Variants in EYA2 observed in about 807,000 individuals in gnomAD.
EYA2 encodes the protein protein phosphatase EYA2.
EYA2 carries 31 observed loss-of-function variants against 69.2 expected under a neutral mutation model. The ratio of observed to expected loss-of-function variants is 0.45; its 90% CI spans 0.34 to 0.60. The LOEUF (loss-of-function observed/expected upper bound fraction) is 0.60. Among genes scored for constraint, EYA2 ranks in the 20% least tolerant of loss-of-function variants. EYA2 has a pLI of 0.02. For missense variants in EYA2, 622 were observed against 701.2 expected, an observed-to-expected ratio of 0.89 and a Z score of 1.28; for synonymous variants, 257 against 279.4, an observed-to-expected ratio of 0.92 and a Z score of 0.80.
intron 9 of EYA2, among the ~76,000 whole-genome samples, chr20:47,137,987 T>G: frequency 8.7e-6 from 1 of 114,300 alleles, no homozygotes; most frequent in African/African-American, 3.8e-5. Context: ...TGGGGACTGT[T>G]GTGGGGTGTG....
intron 14 of EYA2, 108 bp from the exon 15 acceptor site, chr20:47,183,183 G>T: frequency 2.2e-6 from 2 of 929,210 alleles, no homozygotes; most frequent in Non-Finnish European, 3.4e-6. Context: ...GATGAATACC[G>T]GGCCTTTGGG....
chr20:46,897,804 C>T (rs776146389), intron 1 of EYA2, among the ~76,000 whole-genome samples: 2 of 152,104 alleles, frequency 1.3e-5, no homozygotes, highest in Non-Finnish European at 1.5e-5. Context: ...GATCGCAGAG[C>T]GGAGGAGTGG....
intron 1 of EYA2, among the ~76,000 whole-genome samples, chr20:46,907,424 T>C (rs11698093): frequency 0.45 from 67,891 of 152,088 alleles, 15,493 homozygotes; most frequent in East Asian, 0.54. Context: ...CAGCAGCCTG[T>C]GGGAGGGTCT....
At chr20:46,899,636 T>G (rs1237283418) in intron 1 of EYA2, among the ~76,000 whole-genome samples, 1 of 152,204 alleles carries the variant, frequency 6.6e-6, no homozygotes, top group East Asian at 1.9e-4. Flanking sequence ...TTTTAAACAT[T>G]TGGAGAGCAA....
At chr20:46,980,678 A>AC (rs1385806636) in intron 1 of EYA2, among the ~76,000 whole-genome samples, 3 of 152,186 alleles carry the variant, frequency 2.0e-5, no homozygotes, top group Admixed American at 2.0e-4. Flanking sequence ...AATTATAGTC[A>AC]CCGTACTGTT....
At chr20:46,959,342 TG>T (rs1437195491) in intron 1 of EYA2, among the ~76,000 whole-genome samples, 1 of 152,140 alleles carries the variant, frequency 6.6e-6, no homozygotes, top group Non-Finnish European at 1.5e-5. Flanking sequence ...ATTCCTTTGT[TG>T]GGGGTGGGGG....
chr20:47,154,236 G>A (rs1428433931), intron 10 of EYA2, among the ~76,000 whole-genome samples: 1 of 151,978 alleles, frequency 6.6e-6, no homozygotes, highest in Non-Finnish European at 1.5e-5. Flanking sequence ...GAGAGCCAGA[G>A]AGAGAAAACA....
chr20:47,009,598 C>A (rs554386160), intron 4 of EYA2, among the ~76,000 whole-genome samples: 10 of 152,238 alleles, frequency 6.6e-5, no homozygotes, highest in African/African-American at 2.2e-4. Context: ...TCATGTTTAT[C>A]ATTCCCCTGC....
intron 9 of EYA2, among the ~76,000 whole-genome samples, chr20:47,132,976 G>A (rs548680895): frequency 2.0e-5 from 3 of 152,130 alleles, no homozygotes; most frequent in East Asian, 1.9e-4. Context: ...TGTCTATGCC[G>A]CAAACACCCG....
At chr20:47,086,888 A>AC (rs2031911555) in intron 7 of EYA2, among the ~76,000 whole-genome samples, 1 of 150,766 alleles carries the variant, frequency 6.6e-6, no homozygotes, top group South Asian at 2.1e-4. Context: ...ACTAGCATTT[A>AC]CCCCTCTTTT....
intron 7 of EYA2, among the ~76,000 whole-genome samples, chr20:47,087,230 A>C (rs938792316): frequency 4.6e-5 from 7 of 152,192 alleles, no homozygotes; most frequent in Non-Finnish European, 8.8e-5. Context: ...AAAGGGAAAT[A>C]GTTCTTTCAG....
intron 9 of EYA2, among the ~76,000 whole-genome samples, chr20:47,130,189 A>G (rs2033302327): frequency 6.6e-6 from 1 of 151,048 alleles, no homozygotes. Flanking sequence ...CTGACCACTC[A>G]CTACTTTAAA....
At chr20:46,935,897 T>C (rs1360051125) in intron 1 of EYA2, among the ~76,000 whole-genome samples, 1 of 152,128 alleles carries the variant, frequency 6.6e-6, no homozygotes, top group African/African-American at 2.4e-5. Flanking sequence ...GTAGTTTAGA[T>C]TGACCATCTG....
chr20:47,175,594 A>G (rs903353060), intron 12 of EYA2, among the ~76,000 whole-genome samples: 1 of 152,230 alleles, frequency 6.6e-6, no homozygotes, highest in African/African-American at 2.4e-5. Flanking sequence ...TCTGACACAC[A>G]TAAGCTCTCA....
intron 14 of EYA2, among the ~76,000 whole-genome samples, chr20:47,182,628 T>TAAAAAAAAAAAAAA (rs772113561): frequency 2.4e-5 from 2 of 84,350 alleles, no homozygotes; most frequent in Admixed American, 1.2e-4. Flanking sequence ...AGACTCCGTC[T>TAAAAAAAAAAAAAA]AAAAAAAAAA....
intron 1 of EYA2, among the ~76,000 whole-genome samples, chr20:46,916,529 T>C (rs535665772): frequency 3.3e-5 from 5 of 152,260 alleles, no homozygotes; most frequent in East Asian, 1.9e-4. Context: ...ATTTATAGAC[T>C]TTGCACCAAG....
At chr20:47,180,207 A>ATT (rs11471631) in intron 13 of EYA2, among the ~76,000 whole-genome samples, 86,627 of 151,448 alleles carry the variant, frequency 0.57, 26,656 homozygotes, top group African/African-American at 0.82. Context: ...TAATTTTTGT[A>ATT]TTTAGTAGAG....
At chr20:47,090,902 T>G (rs187239745) in intron 8 of EYA2, among the ~76,000 whole-genome samples, 12 of 152,104 alleles carry the variant, frequency 7.9e-5, no homozygotes, top group Non-Finnish European at 1.5e-4. Context: ...TAAGCTACTG[T>G]TGTCTTATCA....
At chr20:46,956,538 GTA>G (rs1440645371) in intron 1 of EYA2, among the ~76,000 whole-genome samples, 1 of 152,152 alleles carries the variant, frequency 6.6e-6, no homozygotes, top group African/African-American at 2.4e-5. Flanking sequence ...CAATCAGCAG[GTA>G]GATGAGAAAA....
Sources: gnomAD v4.1 joint callset for allele counts (sites outside exome capture counted in the v4.1 genomes callset) on GRCh38, gnomAD v4.1.1 for gene constraint, MANE v1.5 for transcripts, NCBI Gene and HGNC (gene_info 2026-07-23, HGNC 2026-07-21) for gene names.